The following AXDND1 variants were observed in gnomAD, a reference collection of about 807,000 sequenced individuals.
The protein encoded by AXDND1 is axonemal dynein light chain domain-containing protein 1.
In AXDND1, 110 loss-of-function variants were observed where a neutral mutation model predicts 137.5. That is an observed-to-expected ratio of 0.80 (90% CI 0.69 to 0.94). The LOEUF is 0.94. Ranked by LOEUF, AXDND1 falls within the 40% of genes least tolerant of loss-of-function variation. The probability of loss-of-function intolerance (pLI) is 0.00; values close to 1 mark genes in which losing one functional copy is unlikely to be tolerated. For missense variants in AXDND1, 1,191 were observed against 1,169.8 expected, an observed-to-expected ratio of 1.02 and a Z score of -0.26; for synonymous variants, 414 against 399.7, an observed-to-expected ratio of 1.04 and a Z score of -0.43.
rs1667407539 is a variant in AXDND1, at chr1:179,366,400, G to A, written c.-106-4G>A. ...TTTTTAAATCTTTTTTCCTCTGCCT[G>A]CAGGACTATGTGGCAGCCTGCAAGT... On this transcript the variant is annotated splice_polypyrimidine_tract_variant and splice_region_variant and intron_variant, in intron 1 of 25. Coordinates refer to ENST00000367618, the MANE Select transcript of AXDND1 (RefSeq NM_144696.6). 2.8e-6 allele frequency: 2 copies of A among 709,088 alleles called. No homozygotes were observed. The highest frequency in any genetic ancestry group is 1.6e-5 in the South Asian group (1 of 60,930). The allele number at this position is 709,088 out of a possible 1,614,324, so 43.9% of individuals were successfully genotyped here.
At chr1:179,492,800 T>C in intron 19 of AXDND1, 55 bp from the exon 20 acceptor site, 3 of 1,194,618 alleles carry the variant, frequency 2.5e-6, no homozygotes, top group Non-Finnish European at 3.6e-6. Context: ...ATAAATAGGT[T>C]ATGCTGAGTG....
Position 179,480,949 on chromosome 1 carries a change from AAAAT to A in AXDND1, c.1998-2175_1998-2172del, listed in dbSNP as rs986367298. Among the ~76,000 whole-genome samples the A allele has an allele frequency of 5.3e-4, 79 of 149,776 alleles. No individual in the cohort carries two copies. The Middle Eastern group carries it at 0.01, about 19-fold the overall frequency. On this transcript the variant is annotated intron_variant, in intron 17 of 25. Coordinates refer to ENST00000367618, the MANE Select transcript of AXDND1 (RefSeq NM_144696.6). ...TTTATTTATTTATTTATTTTTATTT[AAAAT>A]AAAATGTATTCATTTTTATTTTTTT...
At position 179,366,407 on chromosome 1, in the gene AXDND1, T is replaced by C. The variant is rs1667408692; in HGVS notation, c.-103T>C. The C allele has an allele frequency of 2.5e-6, 2 of 811,102 alleles. No homozygotes were observed. The highest frequency in any genetic ancestry group is 2.1e-6 in the Non-Finnish European group (1 of 480,618). The allele number at this position is 811,102 out of a possible 1,614,324, so 50.2% of individuals were successfully genotyped here. On this transcript the variant is annotated 5_prime_UTR_variant, in exon 2 of 26. Transcript: ENST00000367618. ...ATCTTTTTTCCTCTGCCTGCAGGACTATGTGGCAGCCTGCAAGTCCCAGTG... is the reference window on the plus strand; with the variant it reads ...ATCTTTTTTCCTCTGCCTGCAGGACCATGTGGCAGCCTGCAAGTCCCAGTG...
Position 179,368,896 on chromosome 1 carries a change from T to A in AXDND1, c.194T>A (p.Leu65His). 3.1e-6 allele frequency: 5 copies of A among 1,614,064 alleles called. No homozygotes were observed. Among genetic ancestry groups the A allele is most frequent in the Non-Finnish European group, 4.2e-6 (5 of 1,179,914 alleles). ...QNEFIPKEVLLSLTYAANAGP... is the reference protein window; with the variant it reads ...QNEFIPKEVLHSLTYAANAGP... Reference sequence around the variant, plus strand: ...GAGTTCATTCCCAAAGAAGTTCTTCTTTCTCTGACCTATGCGGCCAATGCT... The same window carrying A: ...GAGTTCATTCCCAAAGAAGTTCTTCATTCTCTGACCTATGCGGCCAATGCT... Residue 65 changes from leucine to histidine, a missense_variant, in exon 3 of 26, where the codon CTT becomes CAT. Leu to His is a moderately conservative substitution (Grantham distance 99, BLOSUM62 -3). Coordinates refer to ENST00000367618, the MANE Select transcript of AXDND1 (RefSeq NM_144696.6).
At chr1:179,503,678 A>G (rs1339265961) in intron 20 of AXDND1, among the ~76,000 whole-genome samples, 2 of 151,950 alleles carry the variant, frequency 1.3e-5, no homozygotes, top group Non-Finnish European at 2.9e-5. Flanking sequence ...AGCATTAGGT[A>G]TATTTCCTAA....
At chr1:179,421,012 C>T (rs540218029) in intron 12 of AXDND1, among the ~76,000 whole-genome samples, 1 of 151,944 alleles carries the variant, frequency 6.6e-6, no homozygotes, top group African/African-American at 2.4e-5. Context: ...TCTTCTTTTT[C>T]GTTTCTTATT....
intron 20 of AXDND1, among the ~76,000 whole-genome samples, chr1:179,496,638 A>G (rs1201960504): frequency 6.6e-6 from 1 of 152,008 alleles, no homozygotes; most frequent in Non-Finnish European, 1.5e-5. Context: ...TTGATCTCAA[A>G]GAACCAGATT....
chr1:179,497,039 A>T (rs183656005), intron 20 of AXDND1, among the ~76,000 whole-genome samples: 1 of 152,086 alleles, frequency 6.6e-6, no homozygotes, highest in Non-Finnish European at 1.5e-5. Context: ...ATATGATTTC[A>T]TTGTAGTCAG....
At chr1:179,430,704 C>T in intron 14 of AXDND1, 98 bp downstream of exon 14, 1 of 1,322,636 alleles carries the variant, frequency 7.6e-7, no homozygotes, top group East Asian at 2.3e-5. Flanking sequence ...CTTGTAATCA[C>T]TCTAACATTG....
intron 17 of AXDND1, among the ~76,000 whole-genome samples, chr1:179,479,025 G>T (rs1195049291): frequency 6.6e-6 from 1 of 151,468 alleles, no homozygotes; most frequent in African/African-American, 2.4e-5. Context: ...GCTTGAACCT[G>T]GGAGGTAGAG....
intron 11 of AXDND1, among the ~76,000 whole-genome samples, chr1:179,402,518 C>T (rs1171621374): frequency 6.6e-6 from 1 of 152,292 alleles, no homozygotes; most frequent in Middle Eastern, 3.4e-3. Context: ...TTTCTAAGGC[C>T]AATCTCTTGT....
At chr1:179,471,070 T>G (rs1663869086) in intron 17 of AXDND1, among the ~76,000 whole-genome samples, 2 of 152,212 alleles carry the variant, frequency 1.3e-5, no homozygotes, top group Non-Finnish European at 1.5e-5. Context: ...GATATTAAAT[T>G]AACTTTGCTT....
intron 18 of AXDND1, among the ~76,000 whole-genome samples, chr1:179,489,341 T>C (rs1666577957): frequency 6.6e-6 from 1 of 152,222 alleles, no homozygotes; most frequent in Admixed American, 6.5e-5. Context: ...CCATTTAATC[T>C]CTCTAATATA....
At chr1:179,522,417 G>A (rs867115172) in intron 21 of AXDND1, among the ~76,000 whole-genome samples, 1 of 151,952 alleles carries the variant, frequency 6.6e-6, no homozygotes. Flanking sequence ...TTTGTAGTCT[G>A]TTTGATAATT....
intron 21 of AXDND1, among the ~76,000 whole-genome samples, chr1:179,510,718 T>C (rs1051004468): frequency 7.2e-5 from 11 of 152,154 alleles, no homozygotes; most frequent in Non-Finnish European, 1.3e-4. Context: ...GCAATTGAAT[T>C]TAACCTTGCA....
chr1:179,490,613 A>G (rs1052722459), intron 18 of AXDND1, among the ~76,000 whole-genome samples: 23 of 152,352 alleles, frequency 1.5e-4, no homozygotes, highest in African/African-American at 5.1e-4. Context: ...ATTGAAAGAA[A>G]AAACCTTTTA....
At chr1:179,495,932 G>T (rs1218034177) in intron 20 of AXDND1, among the ~76,000 whole-genome samples, 2 of 133,540 alleles carry the variant, frequency 1.5e-5, no homozygotes, top group East Asian at 2.2e-4. Context: ...AATGGATGTT[G>T]GATGTTATCA....
chr1:179,505,293 C>T (rs1451728593), intron 20 of AXDND1, among the ~76,000 whole-genome samples: 3 of 83,364 alleles, frequency 3.6e-5, no homozygotes, highest in African/African-American at 1.3e-4. Flanking sequence ...TGAGAGTTTC[C>T]CACAAGCTAA....
In AXDND1 at chr1:179,368,799, G is replaced by A; in HGVS notation, c.98-1G>A. 1 of 1,603,656 alleles carries A rather than the reference G, an allele frequency of 6.2e-7. No homozygotes were observed. Among genetic ancestry groups the A allele is most frequent in the African/African-American group, 1.3e-5 (1 of 74,174 alleles). ...GTTTTTCTTTTCCACTACTTACTTA[G>A]GACTTCCTGAGCTAAAGGAGAAAAA... On this transcript the variant is annotated splice_acceptor_variant, in intron 2 of 25. Coordinates refer to ENST00000367618, the MANE Select transcript of AXDND1 (RefSeq NM_144696.6). LOFTEE classifies it high-confidence loss of function.
Sources: gnomAD v4.1 joint callset for allele counts (sites outside exome capture counted in the v4.1 genomes callset) on GRCh38, gnomAD v4.1.1 for gene constraint, MANE v1.5 for transcripts, NCBI Gene and HGNC (gene_info 2026-07-23, HGNC 2026-07-21) for gene names.